The following DEFB108B variants were observed in gnomAD, a reference collection of about 807,000 sequenced individuals.
The protein encoded by DEFB108B is defensin beta 108B.
Under a neutral mutation model 2.4 loss-of-function variants are expected in DEFB108B, and 3 were observed. That is an observed-to-expected ratio of 1.25 (90% CI 0.57 to 3.24). The LOEUF (loss-of-function observed/expected upper bound fraction) is 3.24, where lower values mean the gene tolerates loss of function less well. DEFB108B is among the 30% of genes most tolerant of loss of function. The probability of loss-of-function intolerance (pLI) is 0.03; values close to 1 mark genes in which losing one functional copy is unlikely to be tolerated. For missense variants in DEFB108B, 101 were observed against 87.8 expected, an observed-to-expected ratio of 1.15 and a Z score of -0.60; for synonymous variants, 25 against 28.7, an observed-to-expected ratio of 0.87 and a Z score of 0.41.
In DEFB108B at chr11:71,837,276, A is replaced by G; in HGVS notation, c.59-123A>G. ...GTTTAAGAAATCAAATCACACACAC[A>G]CACACACACACACACAAATCCACAC... On this transcript the variant is annotated intron_variant, in intron 1 of 1. Coordinates refer to ENST00000328698, the MANE Select transcript of DEFB108B (RefSeq NM_001002035.2). The G allele has an allele frequency of 3.3e-6, 4 of 1,215,600 alleles. No homozygotes were observed. In the South Asian group the frequency reaches 4.0e-5, roughly 12 times the overall value. 75.3% of individuals were successfully genotyped at this position (1,215,600 alleles called of 1,614,324 possible).
At chr11:71,834,576 A>G (rs546585011) in intron 1 of DEFB108B, 14 of 152,362 alleles carry the variant, frequency 9.2e-5, no homozygotes, top group Admixed American at 9.1e-4. Context: ...AATGGGATGC[A>G]ACAAGACTGG....
intron 1 of DEFB108B, 117 bp downstream of exon 1, chr11:71,833,374 G>T: frequency 6.7e-7 from 1 of 1,492,940 alleles, no homozygotes; most frequent in Non-Finnish European, 9.0e-7. Flanking sequence ...AAATCTGGAA[G>T]ACTCATTGGC....
At chr11:71,834,707 G>C (rs1952204235) in intron 1 of DEFB108B, 2 of 152,282 alleles carry the variant, frequency 1.3e-5, no homozygotes, top group East Asian at 1.9e-4. Context: ...CTAGAGAAGA[G>C]AGGAGGACAC....
intron 1 of DEFB108B, among the ~76,000 whole-genome samples, chr11:71,836,569 C>T (rs1250242536): frequency 6.6e-6 from 1 of 152,170 alleles, no homozygotes; most frequent in African/African-American, 2.4e-5. Flanking sequence ...AACTAAATAC[C>T]TCAGTGTGTG....
At chr11:71,835,900 A>T (rs986877068) in intron 1 of DEFB108B, among the ~76,000 whole-genome samples, 7 of 152,230 alleles carry the variant, frequency 4.6e-5, no homozygotes, top group Non-Finnish European at 1.0e-4. Flanking sequence ...CAAGAAATTC[A>T]TTATCAAGAA....
intron 1 of DEFB108B, among the ~76,000 whole-genome samples, chr11:71,836,201 A>T (rs1055266536): frequency 2.0e-5 from 3 of 152,234 alleles, no homozygotes; most frequent in Non-Finnish European, 2.9e-5. Context: ...AGTGACCAAC[A>T]TCTAGAATTA....
At chr11:71,834,268 C>A (rs1049145518) in intron 1 of DEFB108B, among the ~76,000 whole-genome samples, 1 of 152,120 alleles carries the variant, frequency 6.6e-6, no homozygotes, top group Non-Finnish European at 1.5e-5. Context: ...CTCGGTAGCA[C>A]ACAACATCGG....
chr11:71,836,475 T>C (rs1952219301), intron 1 of DEFB108B, among the ~76,000 whole-genome samples: 1 of 152,240 alleles, frequency 6.6e-6, no homozygotes. Context: ...CTGGTTTTTA[T>C]ACCTCTCTTA....
chr11:71,834,876 A>C (rs1952205933), intron 1 of DEFB108B: 1 of 152,206 alleles, frequency 6.6e-6, no homozygotes, highest in African/African-American at 2.4e-5. Flanking sequence ...ACTAGACAAG[A>C]CAGCCTATGA....
chr11:71,837,122 C>T (rs1291263524), intron 1 of DEFB108B: 2 of 417,024 alleles, frequency 4.8e-6, no homozygotes, highest in African/African-American at 4.1e-5. Flanking sequence ...AACTTGCATG[C>T]TCTAGAACTT....
chr11:71,835,772 A>G (rs1228994669), intron 1 of DEFB108B, among the ~76,000 whole-genome samples: 2 of 152,238 alleles, frequency 1.3e-5, no homozygotes, highest in Admixed American at 1.3e-4. Flanking sequence ...AAGTTAGAAA[A>G]CAGCTGTATT....
Position 71,837,492 on chromosome 11 carries a change from A to G in DEFB108B, c.152A>G (p.Asn51Ser). The G allele has an allele frequency of 6.2e-7, 1 of 1,611,866 alleles. No homozygotes were observed. Among genetic ancestry groups the G allele is most frequent in the Non-Finnish European group, 8.5e-7 (1 of 1,179,864 alleles). Reference sequence around the variant, plus strand: ...GAAATCCATGTTGGGAGATGTTTAAATAGCCAACCCTGCTGCCTGCCTCTG... The same window carrying G: ...GAAATCCATGTTGGGAGATGTTTAAGTAGCCAACCCTGCTGCCTGCCTCTG... ...ETEIHVGRCL[N>S]SQPCCLPLGH... is the part of the protein sequence containing the mutation. The change falls in exon 2 of 2, where the codon AAT becomes AGT. Residue 51 changes from asparagine (N) to serine (S), a missense_variant. Coordinates refer to ENST00000328698, the MANE Select transcript of DEFB108B (RefSeq NM_001002035.2).
intron 1 of DEFB108B, 114 bp from the exon 2 acceptor site, chr11:71,837,285 C>T: frequency 7.5e-7 from 1 of 1,325,216 alleles, no homozygotes; most frequent in Non-Finnish European, 1.1e-6. Flanking sequence ...CACACACACA[C>T]ACACACAAAT....
At chr11:71,835,451 C>T (rs186967675) in intron 1 of DEFB108B, among the ~76,000 whole-genome samples, 22 of 152,286 alleles carry the variant, frequency 1.4e-4, no homozygotes, top group African/African-American at 5.1e-4. Flanking sequence ...TATTCCATGA[C>T]ATATATGTAC....
At chr11:71,833,325 A>G in intron 1 of DEFB108B, 68 bp downstream of exon 1, 2 of 1,584,864 alleles carry the variant, frequency 1.3e-6, no homozygotes, top group South Asian at 1.1e-5. Context: ...TCAAAGAGAA[A>G]TCACCATCAC....
At position 71,837,562 on chromosome 11, in the gene DEFB108B, A is replaced by G. The variant is rs1272418624; in HGVS notation, c.222A>G (p.Ter74TrpextTer36). ...RIESTTPKKD[*>W] Reference sequence around the variant, plus strand: ...AGAGCACTACACCCAAAAAGGACTGAAGCCTGTTGTTTTCTGGAGGTTTTA... The same window carrying G: ...AGAGCACTACACCCAAAAAGGACTGGAGCCTGTTGTTTTCTGGAGGTTTTA... Residue 74 changes from the stop codon to tryptophan (W), a stop_lost, in exon 2 of 2, where the codon TGA becomes TGG. Transcript: ENST00000328698. The G allele has an allele frequency of 3.1e-6, 5 of 1,609,458 alleles. No homozygotes were observed. Among genetic ancestry groups the G allele is most frequent in the Middle Eastern group, 4.5e-4 (2 of 4,420 alleles).
At chr11:71,836,194 G>C (rs979946897) in intron 1 of DEFB108B, among the ~76,000 whole-genome samples, 38 of 152,246 alleles carry the variant, frequency 2.5e-4, no homozygotes, top group Admixed American at 2.3e-3. Flanking sequence ...TCTACTAAGT[G>C]ACCAACATCT....
intron 1 of DEFB108B, among the ~76,000 whole-genome samples, chr11:71,835,361 A>T (rs554701509): frequency 7.9e-5 from 12 of 152,240 alleles, no homozygotes; most frequent in African/African-American, 2.9e-4. Context: ...TTCCTGAGAT[A>T]ATTTGCTTAG....
chr11:71,834,794 C>T (rs1203268151), intron 1 of DEFB108B: 1 of 152,236 alleles, frequency 6.6e-6, no homozygotes, highest in Non-Finnish European at 1.5e-5. Flanking sequence ...ATCTGTCTCA[C>T]TCCATCACTG....
Sources: gnomAD v4.1 joint callset for allele counts (sites outside exome capture counted in the v4.1 genomes callset) on GRCh38, gnomAD v4.1.1 for gene constraint, MANE v1.5 for transcripts, NCBI Gene and HGNC (gene_info 2026-07-23, HGNC 2026-07-21) for gene names.